The following GCN1 variants were observed in gnomAD, a reference collection of about 807,000 sequenced individuals.
GCN1 encodes the protein stalled ribosome sensor GCN1.
A neutral mutation model predicts 288.4 loss-of-function variants in GCN1; 90 were observed. The observed-to-expected ratio is 0.31, with a 90% CI of 0.26 to 0.37. The LOEUF (loss-of-function observed/expected upper bound fraction) is 0.37. Among genes scored for constraint, GCN1 ranks in the 10% least tolerant of loss-of-function variants. The pLI is 1.00. For missense variants in GCN1, 2,586 were observed against 3,419.9 expected (o/e 0.76, Z 6.08); for synonymous variants, 1,386 against 1,420.2 (o/e 0.98, Z 0.54).
Position 120,158,905 on chromosome 12 carries a change from A to G in GCN1, c.2750-290T>C, listed in dbSNP as rs907159241. Among the ~76,000 whole-genome samples, 1 of 151,682 alleles carries G rather than the reference A, an allele frequency of 6.6e-6. No individual in the cohort carries two copies. Among genetic ancestry groups the G allele is most frequent in the African/African-American group, 2.4e-5 (1 of 41,270 alleles). Reference sequence around the variant, plus strand: ...CGGGCGCCTGTAGTCCCAGCTACTCAGGAGGCTCAAGAAGGAGAATGGCAT... The same window carrying G: ...CGGGCGCCTGTAGTCCCAGCTACTCGGGAGGCTCAAGAAGGAGAATGGCAT... On this transcript the variant is annotated intron_variant, in intron 24 of 57. Transcript: ENST00000300648. This position sits in a 1 kb window ranked among gnomAD's most constrained non-coding sequence, Gnocchi z 4.3.
chr12:120,169,776 G>A (rs1265385679), intron 15 of GCN1, among the ~76,000 whole-genome samples: 1 of 152,206 alleles, frequency 6.6e-6, no homozygotes, highest in Admixed American at 6.6e-5. Flanking sequence ...TGCAAAATTG[G>A]TAACACCGTT....
chr12:120,185,547 T>G (rs1418139676), intron 2 of GCN1, among the ~76,000 whole-genome samples: 2 of 152,212 alleles, frequency 1.3e-5, no homozygotes, highest in Non-Finnish European at 2.9e-5. Context: ...CTCTAGATCA[T>G]TCATACACAT....
Position 120,158,500 on chromosome 12 carries a change from G to A in GCN1, c.2865C>T (p.His955=). 1.3e-6 allele frequency: 2 copies of A among 1,564,740 alleles called. No homozygotes were observed. The highest frequency in any genetic ancestry group is 1.7e-6 in the Non-Finnish European group (2 of 1,154,206). Residue 955 remains histidine, a synonymous_variant, in exon 25 of 58, where the codon CAC becomes CAT. Transcript: ENST00000300648. This position sits in a 1 kb window ranked among gnomAD's most constrained non-coding sequence, Gnocchi z 4.3. ...CCACCCTGCTGGTGATGGTGTGGGT[G>A]TGCAGCAGCATCACCGCCCTCTTCA... The part of the protein sequence containing the change: ...VAVKRAVMLL[H]THTITSRVGK...
At position 120,175,065 on chromosome 12, in the gene GCN1, T is replaced by C. The variant is rs1206443612; in HGVS notation, c.1093+97A>G. The C allele has an allele frequency of 9.8e-6, 10 of 1,016,558 alleles. No homozygotes were observed. The South Asian group carries it at 1.4e-4, about 15-fold the overall frequency. The allele number at this position is 1,016,558 out of a possible 1,614,324, so 63.0% of individuals were successfully genotyped here. A position where few individuals can be genotyped will look rare whatever the true frequency, so the allele number is the denominator to read the frequency against. ...TCGCTTGAACCTGGGAGGCAGAGGT[T>C]GCAGTGAGCTGAGATGGCACCACTG... On this transcript the variant is annotated intron_variant, in intron 12 of 57. Coordinates refer to ENST00000300648, the MANE Select transcript of GCN1 (RefSeq NM_006836.2).
At position 120,142,758 on chromosome 12, in the gene GCN1, C is replaced by G; in HGVS notation, c.5614-36G>C. The G allele has an allele frequency of 6.2e-7, 1 of 1,606,632 alleles. No homozygotes were observed. On this transcript the variant is annotated intron_variant, in intron 43 of 57. Transcript: ENST00000300648. This position sits in a 1 kb window ranked among gnomAD's most constrained non-coding sequence, Gnocchi z 4.9. ...TAGAAGGGGACAGAGAGTAGTGAAG[C>G]CTCTATGGCATGGGCATCAGGGCAC...
Position 120,145,322 on chromosome 12 carries a change from A to G in GCN1, c.4956T>C (p.Ala1652=), listed in dbSNP as rs779582231. 44 of 1,586,128 alleles carry G rather than the reference A, an allele frequency of 2.8e-5. No individual in the cohort carries two copies. Among genetic ancestry groups the G allele is most frequent in the Non-Finnish European group, 3.5e-5 (41 of 1,166,430 alleles). Residue 1652 remains alanine, a synonymous_variant, in exon 39 of 58, where the codon GCT becomes GCC. Transcript: ENST00000300648. The stretch of plus-strand genomic sequence containing the variant: ...CAGGCGTCACGCTGGGCAGGTACGG[A>G]GCCAAGTCCTGCAACAACACAGGAG... ...MYSLTDQKDL[A]PYLPSVTPGL... is the part of the protein sequence containing the mutation.
intron 26 of GCN1, 99 bp from the exon 27 acceptor site, chr12:120,157,091 C>T: frequency 2.7e-6 from 2 of 744,788 alleles, no homozygotes; most frequent in South Asian, 1.5e-5. Context: ...GGGGAACATT[C>T]TGGATCATAC....
chr12:120,175,098 T>C (rs1341517822), intron 12 of GCN1, 64 bp downstream of exon 12: 3 of 1,425,514 alleles, frequency 2.1e-6, no homozygotes, highest in East Asian at 2.3e-5. Flanking sequence ...CTGCACTCTA[T>C]CCTAGATGAC....
rs556275429 is a variant in GCN1 at position 120,153,119 on chromosome 12, T to C, written c.4062+94A>G. The C allele has an allele frequency of 9.5e-5, 98 of 1,033,450 alleles. No individual in the cohort carries two copies. Among genetic ancestry groups the C allele is most frequent in the Non-Finnish European group, 1.3e-4 (94 of 697,974 alleles). The allele number at this position is 1,033,450 out of a possible 1,614,324, so 64.0% of individuals were successfully genotyped here. A position where few individuals can be genotyped will look rare whatever the true frequency, so the allele number is the denominator to read the frequency against. On this transcript the variant is annotated intron_variant, in intron 33 of 57. Transcript: ENST00000300648. The surrounding 1 kb of genome is among the most constrained non-coding windows in gnomAD (Gnocchi z 4.4). ...AAGAACTGGGCTTTCAGGGCCCTGA[T>C]TGTCCAACTCCACCCCTAGTATCCC...
In GCN1 at chr12:120,159,977, A is replaced by T; in HGVS notation, c.2597T>A (p.Leu866Gln). 1 of 1,614,204 alleles carries T rather than the reference A, an allele frequency of 6.2e-7. No individual in the cohort carries two copies. Among genetic ancestry groups the T allele is most frequent in the Non-Finnish European group, 8.5e-7 (1 of 1,180,030 alleles). Residue 866 changes from leucine to glutamine, a missense_variant, in exon 24 of 58, where the codon CTG becomes CAG. This residue lies in a region of GCN1 where 913 missense variants were observed against 1,107.0 expected (regional missense o/e 0.82). Transcript: ENST00000300648. ...EAALGLLDIILAKNPSGLTQY... is the reference protein window; with the variant it reads ...EAALGLLDIIQAKNPSGLTQY... The stretch of plus-strand genomic sequence containing the variant: ...GGTCAGGCCGGACGGGTTCTTGGCC[A>T]GGATGATGTCCAGCAGTCCAAGCGC...
In GCN1 at chr12:120,153,604, G is replaced by C; in HGVS notation, c.3867+140C>G. ...TTAACACACTATCATGGTCTTTTTGGCTCAAAGTGCTCTGCCAGGACTCTT... is the reference window on the plus strand; with the variant it reads ...TTAACACACTATCATGGTCTTTTTGCCTCAAAGTGCTCTGCCAGGACTCTT... On this transcript the variant is annotated intron_variant, in intron 32 of 57. Coordinates refer to ENST00000300648, the MANE Select transcript of GCN1 (RefSeq NM_006836.2). This position sits in a 1 kb window ranked among gnomAD's most constrained non-coding sequence, Gnocchi z 4.4. 1 of 913,226 alleles carries C rather than the reference G, an allele frequency of 1.1e-6. No homozygotes were observed. Among genetic ancestry groups the C allele is most frequent in the Non-Finnish European group, 1.7e-6 (1 of 593,832 alleles). The allele number at this position is 913,226 out of a possible 1,614,324, so 56.6% of individuals were successfully genotyped here.
chr12:120,179,196 G>T (rs1878572792), intron 5 of GCN1, among the ~76,000 whole-genome samples: 1 of 151,868 alleles, frequency 6.6e-6, no homozygotes, highest in Admixed American at 6.6e-5. Context: ...TTATGAATCA[G>T]ACAATGAAGG....
intron 3 of GCN1, 26 bp downstream of exon 3, chr12:120,184,798 A>G (rs1041365409): frequency 1.3e-6 from 2 of 1,559,186 alleles, no homozygotes; most frequent in Non-Finnish European, 1.8e-6. Context: ...AGTGCTCCAC[A>G]TATGGGGCCT....
At position 120,185,227 on chromosome 12, in the gene GCN1, T is replaced by C. The variant is rs2139142260; in HGVS notation, c.122-340A>G. Among the ~76,000 whole-genome samples, 2 of 152,316 alleles carry C rather than the reference T, an allele frequency of 1.3e-5. 1 individual carries two copies. The highest frequency in any genetic ancestry group is 4.1e-4 in the South Asian group (2 of 4,830). ...TGGTGTTTAACATGTGATGATTCAG[T>C]GAGCTGTTCCATTAGGAGGCGTACC... On this transcript the variant is annotated intron_variant, in intron 2 of 57. Coordinates refer to ENST00000300648, the MANE Select transcript of GCN1 (RefSeq NM_006836.2).
intron 54 of GCN1, 98 bp from the exon 55 acceptor site, chr12:120,131,431 T>TCTGGGTCAGCACACTG: frequency 8.4e-7 from 1 of 1,196,762 alleles, no homozygotes; most frequent in Non-Finnish European, 1.2e-6. Flanking sequence ...ACCAGTGTGC[T>TCTGGGTCAGCACACTG]GACCCAGAGC....
Position 120,134,765 on chromosome 12 carries a change from T to C in GCN1, c.7009-39A>G. The C allele has an allele frequency of 6.4e-7, 1 of 1,570,460 alleles. No individual in the cohort carries two copies. The highest frequency in any genetic ancestry group is 8.8e-7 in the Non-Finnish European group (1 of 1,142,636). On this transcript the variant is annotated intron_variant, in intron 51 of 57. Coordinates refer to ENST00000300648, the MANE Select transcript of GCN1 (RefSeq NM_006836.2). This position sits in a 1 kb window ranked among gnomAD's most constrained non-coding sequence, Gnocchi z 5.0. ...CCACATCCATGAAAGACAGTTGTGGTAGACCCAAAGCCACAGTGTACCACA... is the reference window on the plus strand; with the variant it reads ...CCACATCCATGAAAGACAGTTGTGGCAGACCCAAAGCCACAGTGTACCACA...
chr12:120,170,531 AG>A (rs1207259059), intron 14 of GCN1, among the ~76,000 whole-genome samples: 11 of 152,186 alleles, frequency 7.2e-5, no homozygotes, highest in African/African-American at 2.7e-4. Flanking sequence ...CCTTATGGCC[AG>A]GTGCGGTAGC....
At chr12:120,140,769 A>G in intron 45 of GCN1, 90 bp downstream of exon 45, 1 of 1,282,350 alleles carries the variant, frequency 7.8e-7, no homozygotes, top group South Asian at 1.3e-5. Flanking sequence ...CAAACCCCCT[A>G]GAGGTGAACC....
Position 120,173,753 on chromosome 12 carries a change from G to C in GCN1, c.1266C>G (p.Pro422=). The C allele has an allele frequency of 6.2e-7, 1 of 1,612,984 alleles. No homozygotes were observed. The highest frequency in any genetic ancestry group is 8.5e-7 in the Non-Finnish European group (1 of 1,178,920). ...LWCNRFTMEV[P]KKLTEWFKKA... is the part of the protein sequence containing the mutation. Reference sequence around the variant, plus strand: ...TTTTGAACCATTCAGTGAGCTTCTTGGGCACTTCCATAGTGAATCGGTTAC... The same window carrying C: ...TTTTGAACCATTCAGTGAGCTTCTTCGGCACTTCCATAGTGAATCGGTTAC... The change falls in exon 14 of 58, where the codon CCC becomes CCG. Residue 422 remains proline (P), a synonymous_variant. Coordinates refer to ENST00000300648, the MANE Select transcript of GCN1 (RefSeq NM_006836.2).
Sources: allele counts gnomAD v4.1 joint callset (sites outside exome capture counted in the v4.1 genomes callset), GRCh38; gene constraint gnomAD v4.1.1; regional missense constraint gnomAD v4.1.1; non-coding constraint Gnocchi (gnomAD v3.1); transcripts MANE v1.5; gene names NCBI Gene and HGNC (gene_info 2026-07-23, HGNC 2026-07-21).